TPRG1: variants seen among roughly 807,000 people sequenced by gnomAD.
TPRG1 encodes the protein tumor protein p63-regulated gene 1 protein.
Under a neutral mutation model 29.3 loss-of-function variants are expected in TPRG1, and 29 were observed. The observed-to-expected ratio is 0.99, with a 90% CI of 0.74 to 1.35. The LOEUF (loss-of-function observed/expected upper bound fraction) is 1.35. TPRG1 is among the 40% of genes most tolerant of loss of function. The pLI, the probability that TPRG1 is intolerant of heterozygous loss-of-function variation, is 0.00. For synonymous variants in TPRG1, 130 were observed against 116.8 expected, an observed-to-expected ratio of 1.11 and a Z score of -0.73; for missense variants, 327 against 335.0, an observed-to-expected ratio of 0.98 and a Z score of 0.19.
intron 4 of TPRG1, among the ~76,000 whole-genome samples, chr3:189,273,658 C>T (rs1328426260): frequency 2.0e-5 from 3 of 152,180 alleles, no homozygotes; most frequent in African/African-American, 7.2e-5. Context: ...TGAATGCACT[C>T]ATTTGATAGC....
At chr3:189,190,071 T>C (rs986860084) in intron 1 of TPRG1, among the ~76,000 whole-genome samples, 1 of 152,338 alleles carries the variant, frequency 6.6e-6, no homozygotes, top group East Asian at 1.9e-4. Context: ...TTAAGCACTA[T>C]ACAATGTCAC....
chr3:189,050,932 C>G (rs796406178), intron 4 of TPRG1, among the ~76,000 whole-genome samples: 2 of 152,092 alleles, frequency 1.3e-5, no homozygotes, highest in African/African-American at 4.8e-5. Flanking sequence ...AGGGACATAC[C>G]TTAATGTAAT....
chr3:189,288,884 G>A (rs1019869282), intron 4 of TPRG1, among the ~76,000 whole-genome samples: 1 of 152,250 alleles, frequency 6.6e-6, no homozygotes, highest in African/African-American at 2.4e-5. Context: ...AGATGGTCTT[G>A]CAAGATTCCA....
chr3:189,219,577 A>G (rs569400623), intron 3 of TPRG1: 2 of 1,280,896 alleles, frequency 1.6e-6, no homozygotes, highest in African/African-American at 1.5e-5. Context: ...GAACGGATCC[A>G]TTAAGCCAGC....
intron 1 of TPRG1, among the ~76,000 whole-genome samples, chr3:189,175,869 G>C (rs1006231125): frequency 2.0e-5 from 3 of 152,196 alleles, no homozygotes; most frequent in Admixed American, 1.3e-4. Flanking sequence ...TGCACAAGTT[G>C]AGTTCTTAAC....
intron 4 of TPRG1, among the ~76,000 whole-genome samples, chr3:189,025,480 C>T (rs1713609151): frequency 6.6e-6 from 1 of 152,172 alleles, no homozygotes; most frequent in South Asian, 2.1e-4. Context: ...TCCCTTTGTT[C>T]CTCTCCCTGA....
intron 1 of TPRG1, among the ~76,000 whole-genome samples, chr3:189,107,511 G>T (rs60861114): frequency 3.3e-5 from 5 of 151,840 alleles, no homozygotes; most frequent in Admixed American, 6.6e-5. Context: ...TTACAATAAC[G>T]TATGGACAAA....
intron 5 of TPRG1, among the ~76,000 whole-genome samples, chr3:189,164,713 C>T (rs915407492): frequency 2.0e-5 from 3 of 151,714 alleles, no homozygotes; most frequent in Admixed American, 2.0e-4. Flanking sequence ...TCATCATCAT[C>T]AAGACAGGAG....
At chr3:189,235,133 A>G (rs968869222) in intron 3 of TPRG1, among the ~76,000 whole-genome samples, 1 of 151,894 alleles carries the variant, frequency 6.6e-6, no homozygotes. Context: ...CTTTTAGACC[A>G]GGGTAAGGTT....
intron 4 of TPRG1, chr3:189,309,926 C>T (rs6804630): frequency 0.059 from 8,921 of 152,428 alleles, 604 homozygotes; most frequent in African/African-American, 0.16. Flanking sequence ...CCTCAAAAAT[C>T]ATGTATATTC....
At position 189,187,478 on chromosome 3, in the gene TPRG1, A is replaced by AT. The variant is rs71763137; in HGVS notation, c.-10+15359dup. ...CCGCCACCACGCTCAGCTGATTTTTATTTTTTTTTTTTGTATTTTTAGTAG... is the reference window on the plus strand; with the variant it reads ...CCGCCACCACGCTCAGCTGATTTTTATTTTTTTTTTTTTGTATTTTTAGTAG... On this transcript the variant is annotated intron_variant, in intron 1 of 5. Coordinates refer to ENST00000345063, the MANE Select transcript of TPRG1 (RefSeq NM_198485.4). Among the ~76,000 whole-genome samples the AT allele has an allele frequency of 3.0e-3, 442 of 147,140 alleles. 4 individuals are homozygous for AT. The highest frequency in any genetic ancestry group is 0.011 in the Middle Eastern group (3 of 282).
intron 3 of TPRG1, 59 bp downstream of exon 3, chr3:189,215,442 T>C (rs1316162588): frequency 8.0e-6 from 11 of 1,378,408 alleles, no homozygotes; most frequent in Non-Finnish European, 4.1e-6. Flanking sequence ...TTGACATCAC[T>C]GTAGCAGAAT....
chr3:189,221,645 CA>C (rs1439444800), intron 3 of TPRG1, among the ~76,000 whole-genome samples: 9 of 152,290 alleles, frequency 5.9e-5, no homozygotes, highest in African/African-American at 2.2e-4. Flanking sequence ...AAAAGAAGAG[CA>C]GCCTGGGAGA....
chr3:189,078,075 C>CTCTTTCTT (rs1717318913), intron 4 of TPRG1, among the ~76,000 whole-genome samples: 4 of 89,100 alleles, frequency 4.5e-5, no homozygotes, highest in African/African-American at 1.5e-4. Context: ...TCTCCTTTCT[C>CTCTTTCTT]TCTTTCTCTC....
At chr3:189,127,759 G>A (rs1445746736) in intron 2 of TPRG1, among the ~76,000 whole-genome samples, 1 of 152,188 alleles carries the variant, frequency 6.6e-6, no homozygotes, top group Non-Finnish European at 1.5e-5. Flanking sequence ...AGAACCTTGA[G>A]GTCCAGATGT....
rs571848409 is a variant in TPRG1, at chr3:189,043,439, A to C, written c.-463+19493A>C. Among the ~76,000 whole-genome samples the C allele has an allele frequency of 1.3e-3, 191 of 152,248 alleles. 4 individuals are homozygous for C. Among genetic ancestry groups the C allele is most frequent in the Admixed American group, 0.012 (187 of 15,292 alleles). ...AGCCCTCAGTTTTTCCATTCACACA[A>C]ATGACAAGGTTGGACTGCATATCAT... On this transcript the variant is annotated intron_variant, in intron 4 of 10. Coordinates refer to the TPRG1 transcript ENST00000433971.
At chr3:189,010,969 A>G (rs560951261) in intron 3 of TPRG1, among the ~76,000 whole-genome samples, 1 of 152,216 alleles carries the variant, frequency 6.6e-6, no homozygotes, top group East Asian at 1.9e-4. Context: ...TCCAGCTTCA[A>G]TCTTCTGCAT....
intron 4 of TPRG1, among the ~76,000 whole-genome samples, chr3:189,043,885 G>A (rs148338973): frequency 1.5e-4 from 23 of 152,216 alleles, no homozygotes; most frequent in Non-Finnish European, 2.5e-4. Flanking sequence ...TGGGTCTCTC[G>A]AGACGATGAG....
chr3:189,207,978 T>C (rs967170164), intron 2 of TPRG1, among the ~76,000 whole-genome samples: 2 of 152,178 alleles, frequency 1.3e-5, no homozygotes, highest in South Asian at 4.1e-4. Flanking sequence ...ATATGGATAA[T>C]GGAGTGGAGA....
Sources: allele counts gnomAD v4.1 joint callset (sites outside exome capture counted in the v4.1 genomes callset), GRCh38; gene constraint gnomAD v4.1.1; transcripts MANE v1.5; gene names NCBI Gene and HGNC (gene_info 2026-07-23, HGNC 2026-07-21).